Variants in RGS12 observed in about 807,000 individuals in gnomAD.
RGS12 encodes regulator of G-protein signaling 12.
A neutral mutation model predicts 120.1 loss-of-function variants in RGS12; 66 were observed. That is an observed-to-expected ratio of 0.55 (90% CI 0.45 to 0.67). RGS12 has a LOEUF of 0.67. Among genes scored for constraint, RGS12 ranks in the 30% least tolerant of loss-of-function variants. The probability of loss-of-function intolerance (pLI) is 0.00; values close to 1 mark genes in which losing one functional copy is unlikely to be tolerated. For synonymous variants in RGS12, 827 were observed against 804.7 expected (o/e 1.03, Z -0.47); for missense variants, 1,859 against 1,957.7 (o/e 0.95, Z 0.95).
chr4:3,376,901 C>T (rs1431245460), intron 3 of RGS12, among the ~76,000 whole-genome samples: 2 of 152,142 alleles, frequency 1.3e-5, no homozygotes, highest in African/African-American at 2.4e-5. Flanking sequence ...CAGCCTCTGG[C>T]GTGGATGCTG....
At chr4:3,308,020 C>T (rs949178910) in intron 1 of RGS12, among the ~76,000 whole-genome samples, 1 of 152,234 alleles carries the variant, frequency 6.6e-6, no homozygotes, top group Non-Finnish European at 1.5e-5. Flanking sequence ...GGAAGCATGG[C>T]TGGTGTTTGT....
intron 13 of RGS12, 157 bp downstream of exon 13, chr4:3,423,798 C>G: frequency 1.1e-6 from 1 of 887,560 alleles, no homozygotes. Flanking sequence ...CTCTGCCATC[C>G]CCAGTTCTCG....
intron 13 of RGS12, among the ~76,000 whole-genome samples, chr4:3,424,205 C>T (rs75370544): frequency 2.0e-5 from 3 of 152,270 alleles, no homozygotes; most frequent in South Asian, 2.1e-4. Flanking sequence ...AGCTGGGCCC[C>T]GCTGAGGGTG....
chr4:3,381,032 G>C (rs575187192), intron 3 of RGS12, among the ~76,000 whole-genome samples: 1 of 152,234 alleles, frequency 6.6e-6, no homozygotes, highest in East Asian at 1.9e-4. Flanking sequence ...TGAATGCTTT[G>C]CTGCTTAGAA....
chr4:3,362,139 CCT>C (rs1410435744), intron 3 of RGS12, among the ~76,000 whole-genome samples: 8 of 152,260 alleles, frequency 5.3e-5, no homozygotes, highest in South Asian at 2.1e-4. Flanking sequence ...ACGTGTGTTC[CCT>C]GTCTCAAAGG....
chr4:3,421,944 C>T (rs572529930), intron 10 of RGS12, among the ~76,000 whole-genome samples: 11 of 152,206 alleles, frequency 7.2e-5, no homozygotes, highest in Non-Finnish European at 1.5e-4. Flanking sequence ...AAGGCAGTGC[C>T]GACGAAGTCA....
chr4:3,416,879 C>A, intron 7 of RGS12, 34 bp from the exon 8 acceptor site: 8 of 1,565,014 alleles, frequency 5.1e-6, no homozygotes, highest in Non-Finnish European at 7.0e-6. Flanking sequence ...CTGGGTCCCT[C>A]CTGTGACTGT....
intron 4 of RGS12, among the ~76,000 whole-genome samples, chr4:3,399,296 A>G (rs191527878): frequency 3.9e-5 from 6 of 152,320 alleles, no homozygotes; most frequent in African/African-American, 1.4e-4. Context: ...AAAAAACCAA[A>G]CAGTATACAA....
chr4:3,412,417 T>C (rs1354481065), intron 4 of RGS12, among the ~76,000 whole-genome samples: 1 of 152,052 alleles, frequency 6.6e-6, no homozygotes. Flanking sequence ...CTGAGAGGAG[T>C]TGATGCTGCC....
At chr4:3,286,964 C>T in the RGS12 span, among the ~76,000 whole-genome samples, 1 of 152,248 alleles carries the variant, frequency 6.6e-6, no homozygotes, top group East Asian at 1.9e-4. Context: ...GCCTCGGGGA[C>T]CTGGCTATGA....
intron 3 of RGS12, among the ~76,000 whole-genome samples, chr4:3,347,315 G>T (rs1713896981): frequency 6.6e-6 from 1 of 152,042 alleles, no homozygotes; most frequent in South Asian, 2.1e-4. Context: ...GTGGTGGTGG[G>T]CGCCTGTATT....
At chr4:3,420,773 A>C in intron 10 of RGS12, 55 bp downstream of exon 10, 2 of 1,367,616 alleles carry the variant, frequency 1.5e-6, no homozygotes, top group Non-Finnish European at 2.1e-6. Flanking sequence ...CCACCAGCTG[A>C]CTGATGACAC....
intron 3 of RGS12, among the ~76,000 whole-genome samples, chr4:3,356,634 A>T (rs912342340): frequency 1.3e-5 from 2 of 151,116 alleles, no homozygotes; most frequent in African/African-American, 4.9e-5. Context: ...ATTCTAAGTG[A>T]AATCGTACAG....
At chr4:3,411,770 G>A (rs370126804) in intron 4 of RGS12, among the ~76,000 whole-genome samples, 5 of 152,288 alleles carry the variant, frequency 3.3e-5, no homozygotes, top group Admixed American at 6.5e-5. Context: ...TGCCACATGG[G>A]GGGGAGTCTT....
At chr4:3,362,404 T>C (rs1029608440) in intron 3 of RGS12, among the ~76,000 whole-genome samples, 1 of 144,846 alleles carries the variant, frequency 6.9e-6, no homozygotes, top group Non-Finnish European at 1.5e-5. Context: ...TGAAGGTATG[T>C]GAGGGTGTAT....
chr4:3,324,325 G>A (rs545596993), intron 2 of RGS12: 24 of 160,878 alleles, frequency 1.5e-4, no homozygotes, highest in African/African-American at 5.0e-4. Flanking sequence ...GAGCCTTCTC[G>A]TTCTCCACCA....
At chr4:3,367,825 G>A (rs116069820) in intron 3 of RGS12, among the ~76,000 whole-genome samples, 1,977 of 152,326 alleles carry the variant, frequency 0.013, 8 homozygotes, top group Non-Finnish European at 0.019. Context: ...GAGAGAGACA[G>A]GAGAACCCGG....
intron 3 of RGS12, among the ~76,000 whole-genome samples, chr4:3,376,249 C>A (rs1381904506): frequency 5.1e-5 from 3 of 58,766 alleles, no homozygotes; most frequent in Non-Finnish European, 1.2e-4. Context: ...CTCCTTGGAA[C>A]ACACACACAC....
chr4:3,309,691 C>CTG (rs1724231231), intron 1 of RGS12, among the ~76,000 whole-genome samples: 3 of 115,630 alleles, frequency 2.6e-5, no homozygotes, highest in Non-Finnish European at 5.6e-5. Context: ...CTGAGGGGAA[C>CTG]CGTGCAGGGG....
Sources: allele counts gnomAD v4.1 joint callset (sites outside exome capture counted in the v4.1 genomes callset), GRCh38; gene constraint gnomAD v4.1.1; transcripts MANE v1.5; gene names NCBI Gene and HGNC (gene_info 2026-07-23, HGNC 2026-07-21).